Variants in DCUN1D3 observed in about 807,000 individuals in gnomAD.
DCUN1D3 encodes the protein DCN1-like protein 3.
DCUN1D3 carries 6 observed loss-of-function variants against 24.8 expected under a neutral mutation model. The ratio of observed to expected loss-of-function variants is 0.24; its 90% CI spans 0.13 to 0.48. The LOEUF (loss-of-function observed/expected upper bound fraction) is 0.48, where lower values mean the gene tolerates loss of function less well. Ranked by LOEUF, DCUN1D3 falls within the 20% of genes least tolerant of loss-of-function variation. The pLI is 0.99. For missense variants in DCUN1D3, 258 were observed against 379.4 expected, an observed-to-expected ratio of 0.68 and a Z score of 2.66; for synonymous variants, 120 against 144.9, an observed-to-expected ratio of 0.83 and a Z score of 1.24.
At chr16:20,873,069 GAA>G (rs542767896) in intron 1 of DCUN1D3, among the ~76,000 whole-genome samples, 4 of 149,744 alleles carry the variant, frequency 2.7e-5, no homozygotes, top group Non-Finnish European at 4.4e-5. Context: ...TAGCAGTGAG[GAA>G]GACTGTGCCA....
At chr16:20,897,635 C>G (rs1401973956) in intron 1 of DCUN1D3, among the ~76,000 whole-genome samples, 1 of 152,162 alleles carries the variant, frequency 6.6e-6, no homozygotes, top group African/African-American at 2.4e-5. Context: ...TCCTTAAATT[C>G]ATACAGAGCT....
At chr16:20,869,850 C>T (rs1025071254) in intron 1 of DCUN1D3, among the ~76,000 whole-genome samples, 1 of 152,122 alleles carries the variant, frequency 6.6e-6, no homozygotes, top group Admixed American at 6.5e-5. Context: ...CAAATCCAGG[C>T]AGTCTGACTC....
intron 1 of DCUN1D3, among the ~76,000 whole-genome samples, chr16:20,880,285 G>A (rs1021748370): frequency 1.3e-5 from 2 of 152,116 alleles, no homozygotes; most frequent in Admixed American, 6.6e-5. Context: ...AGAAGACAGG[G>A]AATGTGTATG....
chr16:20,867,346 G>T (rs1317984406), intron 1 of DCUN1D3, among the ~76,000 whole-genome samples: 4 of 152,144 alleles, frequency 2.6e-5, no homozygotes. Flanking sequence ...AGAACACATG[G>T]TCTGTGCTCG....
At chr16:20,892,229 G>C (rs2081895430) in intron 1 of DCUN1D3, among the ~76,000 whole-genome samples, 1 of 152,120 alleles carries the variant, frequency 6.6e-6, no homozygotes, top group Admixed American at 6.6e-5. Context: ...ATTTCTAAGA[G>C]AAAAAGAATC....
At chr16:20,898,855 T>C (rs563508429) in intron 1 of DCUN1D3, among the ~76,000 whole-genome samples, 1 of 149,272 alleles carries the variant, frequency 6.7e-6, no homozygotes, top group South Asian at 2.1e-4. Context: ...AACACTTCAC[T>C]CTGATATCTG....
chr16:20,860,105 G>A lies in DCUN1D3; in HGVS notation c.696C>T (p.Pro232=). The A allele has an allele frequency of 6.2e-7, 1 of 1,614,234 alleles. No homozygotes were observed. Among genetic ancestry groups the A allele is most frequent in the Admixed American group, 1.7e-5 (1 of 60,024 alleles). ...DQWLNFLTEN[P]SGIKGISRDT... is the part of the protein sequence containing the mutation. ...CCCGGGAGATGCCCTTGATCCCCGA[G>A]GGGTTCTCTGTTAGGAAGTTTAGCC... The change falls in exon 3 of 3, where the codon CCC becomes CCT. Residue 232 remains proline, a synonymous_variant. Transcript: ENST00000324344. This position sits in a 1 kb window ranked among gnomAD's most constrained non-coding sequence, Gnocchi z 4.3.
intron 1 of DCUN1D3, among the ~76,000 whole-genome samples, chr16:20,890,582 T>C (rs1031339226): frequency 1.3e-5 from 2 of 152,132 alleles, no homozygotes; most frequent in Admixed American, 1.3e-4. Context: ...TGAGCTATGA[T>C]AGCACCACTG....
intron 1 of DCUN1D3, among the ~76,000 whole-genome samples, chr16:20,876,026 C>T (rs959368172): frequency 3.9e-5 from 6 of 152,060 alleles, no homozygotes; most frequent in African/African-American, 1.4e-4. Context: ...AGTGCAGTGG[C>T]ATGATCTCGG....
intron 1 of DCUN1D3, among the ~76,000 whole-genome samples, chr16:20,877,300 T>C (rs1311297874): frequency 6.6e-6 from 1 of 152,160 alleles, no homozygotes; most frequent in Non-Finnish European, 1.5e-5. Context: ...GGCTGCTTCA[T>C]ATGAGATGGG....
intron 1 of DCUN1D3, among the ~76,000 whole-genome samples, chr16:20,897,070 G>A (rs988487940): frequency 6.6e-6 from 1 of 152,142 alleles, no homozygotes; most frequent in Non-Finnish European, 1.5e-5. Flanking sequence ...ACACTAAAAG[G>A]TTTTATTTAG....
rs376075870 is a variant in DCUN1D3, at chr16:20,871,092, C to T, written c.-105-8449G>A. Among the ~76,000 whole-genome samples, 84 of 152,344 alleles carry T rather than the reference C, an allele frequency of 5.5e-4. No individual in the cohort carries two copies. In the East Asian group the frequency reaches 8.5e-3, roughly 15 times the overall value. On this transcript the variant is annotated intron_variant, in intron 1 of 2. Coordinates refer to ENST00000324344, the MANE Select transcript of DCUN1D3 (RefSeq NM_173475.4). ...AATAACAAGGAAGACTGAGGGAACACTTTAAATGCACAGTTGCTGCTGCCA... is the reference window on the plus strand; with the variant it reads ...AATAACAAGGAAGACTGAGGGAACATTTTAAATGCACAGTTGCTGCTGCCA...
At chr16:20,895,242 G>A (rs2081910190) in intron 1 of DCUN1D3, among the ~76,000 whole-genome samples, 1 of 136,586 alleles carries the variant, frequency 7.3e-6, no homozygotes, top group Non-Finnish European at 1.6e-5. Flanking sequence ...CTACAGGCAT[G>A]CACCACCATG....
Position 20,859,740 on chromosome 16 carries a change from C to T in DCUN1D3, c.*146G>A. The T allele has an allele frequency of 8.9e-7, 1 of 1,121,364 alleles. No homozygotes were observed. The highest frequency in any genetic ancestry group is 1.2e-6 in the Non-Finnish European group (1 of 820,590). 69.5% of individuals were successfully genotyped at this position (1,121,364 alleles called of 1,614,324 possible). A position where few individuals can be genotyped will look rare whatever the true frequency, so the allele number is the denominator to read the frequency against. ...AGAAAGTGCCTAAAACATGATACAG[C>T]ATTTTAGAGCCCTTTCAGATACAAG... On this transcript the variant is annotated 3_prime_UTR_variant, in exon 3 of 3. Coordinates refer to ENST00000324344, the MANE Select transcript of DCUN1D3 (RefSeq NM_173475.4).
At chr16:20,880,714 C>T (rs2081839690) in intron 1 of DCUN1D3, among the ~76,000 whole-genome samples, 1 of 151,250 alleles carries the variant, frequency 6.6e-6, no homozygotes, top group Non-Finnish European at 1.5e-5. Flanking sequence ...TAAGCACCTA[C>T]TATGTCCCTA....
At chr16:20,881,263 T>G (rs1167384758) in intron 1 of DCUN1D3, among the ~76,000 whole-genome samples, 1 of 152,060 alleles carries the variant, frequency 6.6e-6, no homozygotes, top group East Asian at 1.9e-4. Flanking sequence ...AACAATTAAG[T>G]GGGTGTGATG....
intron 1 of DCUN1D3, among the ~76,000 whole-genome samples, chr16:20,891,129 G>A (rs2081890476): frequency 6.6e-6 from 1 of 151,910 alleles, no homozygotes; most frequent in African/African-American, 2.4e-5. Flanking sequence ...GAATAGCTAC[G>A]ATTACAGGCG....
At chr16:20,890,469 A>AT (rs1032466569) in intron 1 of DCUN1D3, among the ~76,000 whole-genome samples, 1 of 151,942 alleles carries the variant, frequency 6.6e-6, no homozygotes, top group Non-Finnish European at 1.5e-5. Context: ...CAAAAAAAAA[A>AT]TTTTTTTTAA....
chr16:20,874,663 T>C (rs1280882768), intron 1 of DCUN1D3, among the ~76,000 whole-genome samples: 1 of 152,218 alleles, frequency 6.6e-6, no homozygotes, highest in Non-Finnish European at 1.5e-5. Context: ...TTTCAATTCC[T>C]ATCACTGAGA....
Sources: gnomAD v4.1 joint callset for allele counts (sites outside exome capture counted in the v4.1 genomes callset) on GRCh38, gnomAD v4.1.1 for gene constraint, Gnocchi (gnomAD v3.1) non-coding constraint, MANE v1.5 for transcripts, NCBI Gene and HGNC (gene_info 2026-07-23, HGNC 2026-07-21) for gene names.